The following PCDH11X variants were observed in gnomAD, a reference collection of about 807,000 sequenced individuals.
PCDH11X encodes protocadherin 11 X-linked, also known as protocadherin-11 X-linked.
Under a neutral mutation model 53.3 loss-of-function variants are expected in PCDH11X, and 18 were observed. That is an observed-to-expected ratio of 0.34 (90% CI 0.23 to 0.50). The LOEUF (loss-of-function observed/expected upper bound fraction) is 0.50, where lower values mean the gene tolerates loss of function less well. Ranked by LOEUF, PCDH11X falls within the 20% of genes least tolerant of loss-of-function variation. The probability of loss-of-function intolerance (pLI) is 0.98; values close to 1 mark genes in which losing one functional copy is unlikely to be tolerated. For missense variants in PCDH11X, 570 were observed against 1,032.4 expected, an observed-to-expected ratio of 0.55 and a Z score of 6.14; for synonymous variants, 279 against 393.3, an observed-to-expected ratio of 0.71 and a Z score of 3.44.
intron 6 of PCDH11X, among the ~76,000 whole-genome samples, chrX:92,058,571 T>C (rs1033199206): frequency 8.9e-6 from 1 of 111,868 alleles, no homozygotes; most frequent in African/African-American, 3.2e-5. Context: ...AATTCATTTC[T>C]ATATACAAGT....
intron 8 of PCDH11X, among the ~76,000 whole-genome samples, chrX:92,350,016 G>T (rs1283948406): frequency 9.1e-6 from 1 of 110,346 alleles, no homozygotes; most frequent in East Asian, 2.9e-4. Context: ...CTCTTTCCTG[G>T]TCTCCCTTGG....
chrX:92,275,109 G>A (rs1256492578), intron 8 of PCDH11X, among the ~76,000 whole-genome samples: 1 of 100,448 alleles, frequency 1.0e-5, no homozygotes, highest in Admixed American at 1.1e-4. Flanking sequence ...AGCATAGTTT[G>A]TGATTTTTAG....
chrX:92,286,247 A>C (rs1033590045), intron 8 of PCDH11X, among the ~76,000 whole-genome samples: 7 of 107,731 alleles, frequency 6.5e-5, no homozygotes, highest in African/African-American at 2.4e-4. Flanking sequence ...CGCCTACGTA[A>C]TTTTTGCTTT....
chrX:92,590,048 C>G (rs1319446862), intron 10 of PCDH11X, among the ~76,000 whole-genome samples: 2 of 109,017 alleles, frequency 1.8e-5, no homozygotes, highest in East Asian at 5.8e-4. Context: ...ATCTGACACC[C>G]ATGGCTCCAC....
intron 4 of PCDH11X, among the ~76,000 whole-genome samples, chrX:91,827,426 G>C (rs1330136731): frequency 1.8e-5 from 2 of 111,415 alleles, no homozygotes; most frequent in Non-Finnish European, 3.8e-5. Flanking sequence ...TCTGTTGATG[G>C]TTTGTTTTGC....
intron 6 of PCDH11X, among the ~76,000 whole-genome samples, chrX:91,909,704 T>C (rs2571724): frequency 0.44 from 45,091 of 102,757 alleles, 8,503 homozygotes; most frequent in East Asian, 0.62. Flanking sequence ...CCTCGGAAAT[T>C]GATATATCAC....
At chrX:92,168,232 G>A (rs2065766571) in intron 6 of PCDH11X, among the ~76,000 whole-genome samples, 1 of 106,036 alleles carries the variant, frequency 9.4e-6, no homozygotes, top group Admixed American at 1.0e-4. Flanking sequence ...ACAAACATGA[G>A]CCACCACACC....
chrX:92,114,392 C>T lies in PCDH11X; in HGVS notation c.3034-86983C>T, dbSNP rs1055369455. 1.2e-5 allele frequency: 13 copies of T among 1,085,784 alleles called. No individual in the cohort carries two copies. In the East Asian group the frequency reaches 1.5e-4, roughly 13 times the overall value. 89.5% of individuals were successfully genotyped at this position (1,085,784 alleles called of 1,213,427 possible). On this transcript the variant is annotated intron_variant, in intron 6 of 10. Coordinates refer to ENST00000682573, the MANE Select transcript of PCDH11X (RefSeq NM_032968.5). ...TCAACAATCTCATTCCAGTTACTCT[C>T]GATGACGCCTTCGGGCTCCATCCCA...
At chrX:91,966,424 C>T (rs1213856016) in intron 6 of PCDH11X, among the ~76,000 whole-genome samples, 1 of 108,557 alleles carries the variant, frequency 9.2e-6, no homozygotes, top group East Asian at 2.9e-4. Context: ...TTTGTGTTCT[C>T]ACTCATAAGT....
At chrX:92,248,462 A>C (rs2067393599) in intron 7 of PCDH11X, among the ~76,000 whole-genome samples, 1 of 111,136 alleles carries the variant, frequency 9.0e-6, no homozygotes, top group Non-Finnish European at 1.9e-5. Context: ...GACAAATAAT[A>C]AGCATACATA....
intron 6 of PCDH11X, among the ~76,000 whole-genome samples, chrX:92,123,514 C>G (rs67510085): frequency 0.13 from 14,166 of 109,365 alleles, 1,147 homozygotes; most frequent in East Asian, 0.43. Flanking sequence ...TGCACCAAAC[C>G]TAGTTCCTTC....
At chrX:92,272,235 A>G (rs2148428367) in intron 8 of PCDH11X, among the ~76,000 whole-genome samples, 1 of 112,122 alleles carries the variant, frequency 8.9e-6, no homozygotes, top group Admixed American at 9.5e-5. Context: ...TGAGCCATTT[A>G]TGAAAAAGGA....
At chrX:92,437,758 T>C (rs1436634555) in intron 9 of PCDH11X, among the ~76,000 whole-genome samples, 1 of 110,729 alleles carries the variant, frequency 9.0e-6, no homozygotes, top group African/African-American at 3.3e-5. Context: ...CCTTAAGGTA[T>C]TCTTGTAAGG....
chrX:92,368,371 C>A (rs188706840), intron 8 of PCDH11X, among the ~76,000 whole-genome samples: 1 of 111,509 alleles, frequency 9.0e-6, no homozygotes, highest in Admixed American at 9.5e-5. Flanking sequence ...TCTCTAAACT[C>A]GTTACTCTAG....
intron 10 of PCDH11X, among the ~76,000 whole-genome samples, chrX:92,600,870 C>G (rs1409002316): frequency 2.0e-5 from 2 of 101,696 alleles, no homozygotes; most frequent in Non-Finnish European, 4.0e-5. Flanking sequence ...GAACCCACCT[C>G]TTGCATCAGT....
chrX:92,359,886 A>T (rs1435979352), intron 8 of PCDH11X, among the ~76,000 whole-genome samples: 1 of 110,619 alleles, frequency 9.0e-6, no homozygotes, highest in Admixed American at 9.7e-5. Context: ...AAATAATAGT[A>T]ATTTTAGTCC....
In PCDH11X at chrX:92,220,457, A is replaced by T. The variant is rs527296199; in HGVS notation, c.3114+19002A>T. ...AAAAACACATGAAAAAATGCTCACC[A>T]TCACTGGCCATCAGAGAAATGCAAA... On this transcript the variant is annotated intron_variant, in intron 7 of 10. Coordinates refer to ENST00000682573, the MANE Select transcript of PCDH11X (RefSeq NM_032968.5). 4.6e-5 allele frequency among the ~76,000 whole-genome samples: 5 copies of T among 107,551 alleles called. No homozygotes were observed. The East Asian group carries it at 1.5e-3, about 33-fold the overall frequency. 93.4% of individuals were successfully genotyped at this position (107,551 alleles called of 115,157 possible).
intron 7 of PCDH11X, among the ~76,000 whole-genome samples, chrX:92,211,717 A>C (rs982398969): frequency 8.9e-6 from 1 of 112,073 alleles, no homozygotes. Flanking sequence ...TTCATAAAAT[A>C]AAATTATCTC....
intron 10 of PCDH11X, among the ~76,000 whole-genome samples, chrX:92,594,628 T>A (rs1453619897): frequency 9.1e-6 from 1 of 109,603 alleles, no homozygotes; most frequent in Non-Finnish European, 1.9e-5. Flanking sequence ...TTCAAGTTGG[T>A]TTTATAATCA....
Sources: gnomAD v4.1 joint callset for allele counts (sites outside exome capture counted in the v4.1 genomes callset) on GRCh38, gnomAD v4.1.1 for gene constraint, MANE v1.5 for transcripts, NCBI Gene and HGNC (gene_info 2026-07-23, HGNC 2026-07-21) for gene names.